Variants in STAB2 observed in about 807,000 individuals in gnomAD.
The protein encoded by STAB2 is stabilin-2.
STAB2 carries 288 observed loss-of-function variants against 338.1 expected under a neutral mutation model. That is an observed-to-expected ratio of 0.85 (90% CI 0.77 to 0.94). The LOEUF (loss-of-function observed/expected upper bound fraction) is 0.94, where lower values mean the gene tolerates loss of function less well. Among genes scored for constraint, STAB2 ranks in the 40% least tolerant of loss-of-function variants. The pLI, the probability that STAB2 is intolerant of heterozygous loss-of-function variation, is 0.00. For synonymous variants in STAB2, 1,202 were observed against 1,193.3 expected (o/e 1.01, Z -0.15); for missense variants, 3,141 against 3,210.1 (o/e 0.98, Z 0.52).
intron 2 of STAB2, among the ~76,000 whole-genome samples, chr12:103,593,249 T>G (rs1346448173): frequency 6.6e-6 from 1 of 152,210 alleles, no homozygotes; most frequent in Non-Finnish European, 1.5e-5. Flanking sequence ...CATACTTTTT[T>G]CTACAGCAGT....
At chr12:103,744,602 G>A (rs907433121) in intron 56 of STAB2, among the ~76,000 whole-genome samples, 1 of 151,618 alleles carries the variant, frequency 6.6e-6, no homozygotes, top group Admixed American at 6.6e-5. Context: ...AAGTAGCTGG[G>A]ACTAAAGGCG....
intron 44 of STAB2, among the ~76,000 whole-genome samples, chr12:103,723,510 AT>A (rs1593285171): frequency 1.3e-5 from 2 of 152,358 alleles, no homozygotes; most frequent in East Asian, 3.9e-4. Flanking sequence ...TCAAAATGAG[AT>A]TTGGGTGGGA....
At chr12:103,735,640 C>T in intron 52 of STAB2, 60 bp downstream of exon 52, 1 of 1,274,882 alleles carries the variant, frequency 7.8e-7, no homozygotes, top group Non-Finnish European at 1.1e-6. Flanking sequence ...CAAGCTATTC[C>T]CCAACAACTG....
intron 22 of STAB2, 52 bp downstream of exon 22, chr12:103,670,859 G>GTGCTGCACCAGCACCC: frequency 1.3e-6 from 2 of 1,492,596 alleles, no homozygotes; most frequent in Non-Finnish European, 1.8e-6. Flanking sequence ...GTTCCCTCTC[G>GTGCTGCACCAGCACCC]TGCTGCAGCA....
At chr12:103,619,865 T>C (rs79922721) in intron 3 of STAB2, among the ~76,000 whole-genome samples, 242 of 151,784 alleles carry the variant, frequency 1.6e-3, no homozygotes, top group African/African-American at 5.6e-3. Flanking sequence ...GACCTTGTAC[T>C]TGCTATTGCC....
chr12:103,611,423 A>T (rs577746912), intron 3 of STAB2, among the ~76,000 whole-genome samples: 1 of 152,238 alleles, frequency 6.6e-6, no homozygotes, highest in South Asian at 2.1e-4. Flanking sequence ...TGTTAAATTG[A>T]TCCCTTTACC....
At chr12:103,685,909 C>T (rs1032553980) in intron 27 of STAB2, among the ~76,000 whole-genome samples, 2 of 151,486 alleles carry the variant, frequency 1.3e-5, no homozygotes, top group African/African-American at 2.4e-5. Flanking sequence ...CTTTTCATCC[C>T]CTCCCTCCCC....
intron 40 of STAB2, 124 bp downstream of exon 40, chr12:103,711,640 C>T: frequency 8.8e-7 from 1 of 1,136,616 alleles, no homozygotes; most frequent in Non-Finnish European, 1.3e-6. Flanking sequence ...TTAGGATAAA[C>T]TTGAGTATGA....
chr12:103,668,625 C>T lies in STAB2; in HGVS notation c.2086-18C>T, dbSNP rs1288637072. ...AAACATGCTGACTGCCATGCTTTCCCTCCTTGGCTTTCTCCAGGCACTCTT... is the reference window on the plus strand; with the variant it reads ...AAACATGCTGACTGCCATGCTTTCCTTCCTTGGCTTTCTCCAGGCACTCTT... On this transcript the variant is annotated intron_variant, in intron 19 of 68. Transcript: ENST00000388887. 6.4e-7 allele frequency: 1 copy of T among 1,550,850 alleles called. No homozygotes were observed. The highest frequency in any genetic ancestry group is 1.4e-5 in the African/African-American group (1 of 73,180).
rs1879186318 is a variant in STAB2, at chr12:103,704,683, C to G, written c.3900+69C>G. 4 of 1,386,286 alleles carry G rather than the reference C, an allele frequency of 2.9e-6. No homozygotes were observed. The African/African-American group carries it at 4.3e-5, about 15-fold the overall frequency. The allele number at this position is 1,386,286 out of a possible 1,614,324, so 85.9% of individuals were successfully genotyped here. On this transcript the variant is annotated intron_variant, in intron 36 of 68. Coordinates refer to ENST00000388887, the MANE Select transcript of STAB2 (RefSeq NM_017564.10). Reference sequence around the variant, plus strand: ...GGAGTCCCAATTAGAAAATGAACCTCAAGATTATGTGATTTGCACTTCCCT... The same window carrying G: ...GGAGTCCCAATTAGAAAATGAACCTGAAGATTATGTGATTTGCACTTCCCT...
In STAB2 at chr12:103,638,121, G is replaced by GC. The variant is rs1555230284; in HGVS notation, c.817dup (p.Gln273ProfsTer12). The GC allele has an allele frequency of 6.2e-7, 1 of 1,614,080 alleles. No individual in the cohort carries two copies. Among genetic ancestry groups the GC allele is most frequent in the Non-Finnish European group, 8.5e-7 (1 of 1,180,052 alleles). The stretch of plus-strand genomic sequence containing the variant: ...TGCCAAGAAGGCTACCGTGGGGATG[G>GC]CCAAGTGTGCTTGCCTGTGGACCCC... On this transcript the variant is annotated frameshift_variant, in exon 8 of 69. Transcript: ENST00000388887. LOFTEE classifies it high-confidence loss of function.
intron 44 of STAB2, among the ~76,000 whole-genome samples, chr12:103,719,988 T>C (rs1193603817): frequency 6.6e-6 from 1 of 152,218 alleles, no homozygotes; most frequent in Admixed American, 6.5e-5. Flanking sequence ...ATGAGAACAG[T>C]GCAGACGCCC....
intron 58 of STAB2, among the ~76,000 whole-genome samples, chr12:103,748,613 C>T (rs55897351): frequency 0.061 from 1,372 of 22,654 alleles, 12 homozygotes; most frequent in African/African-American, 0.16. Context: ...CATACACACA[C>T]ACACACACAC....
intron 64 of STAB2, among the ~76,000 whole-genome samples, chr12:103,758,841 CAGCCACCTGAGGGCTGAGGAAAGCA>C (rs551714227): frequency 5.7e-4 from 87 of 152,344 alleles, no homozygotes; most frequent in African/African-American, 2.1e-3. Flanking sequence ...ACAGCCCCAC[CAGCCACCTGAGGGCTGAGGAAAGCA>C]ATACCTCTGC....
Position 103,633,130 on chromosome 12 carries a change from C to A in STAB2, c.583+1437C>A, listed in dbSNP as rs1301283375. Among the ~76,000 whole-genome samples the A allele has an allele frequency of 2.6e-5, 4 of 152,208 alleles. No individual in the cohort carries two copies. In the East Asian group the frequency reaches 7.7e-4, roughly 29 times the overall value. On this transcript the variant is annotated intron_variant, in intron 6 of 68. Transcript: ENST00000388887. ...CAGGCCTTCTGTGGTCCTCAGTCAGCCTCCTTCCTTGGCCACTCCTGCCAG... is the reference window on the plus strand; with the variant it reads ...CAGGCCTTCTGTGGTCCTCAGTCAGACTCCTTCCTTGGCCACTCCTGCCAG...
chr12:103,662,279 C>T (rs1874690420), intron 17 of STAB2, among the ~76,000 whole-genome samples: 1 of 152,160 alleles, frequency 6.6e-6, no homozygotes, highest in Admixed American at 6.5e-5. Flanking sequence ...GCCAGGATAA[C>T]TCATGGAGCT....
intron 21 of STAB2, among the ~76,000 whole-genome samples, chr12:103,670,214 A>C (rs79030718): frequency 2.0e-5 from 3 of 152,114 alleles, no homozygotes; most frequent in Admixed American, 1.3e-4. Context: ...AGGCCAGTAC[A>C]AATGACTGCG....
At chr12:103,692,913 C>A in intron 31 of STAB2, 24 bp downstream of exon 31, 2 of 1,587,176 alleles carry the variant, frequency 1.3e-6, no homozygotes, top group Middle Eastern at 1.7e-4. Context: ...TTCTCCTGTG[C>A]GTGCAGCATC....
chr12:103,648,527 TGAG>T (rs1461045894), intron 9 of STAB2, among the ~76,000 whole-genome samples, 160 bp from the exon 10 acceptor site: 1 of 152,176 alleles, frequency 6.6e-6, no homozygotes, highest in Admixed American at 6.5e-5. Flanking sequence ...ATCCATTTCT[TGAG>T]GAGCTACTAG....
Sources: gnomAD v4.1 joint callset for allele counts (sites outside exome capture counted in the v4.1 genomes callset) on GRCh38, gnomAD v4.1.1 for gene constraint, MANE v1.5 for transcripts, NCBI Gene and HGNC (gene_info 2026-07-23, HGNC 2026-07-21) for gene names.